The following GRM7 variants were observed in gnomAD, a reference collection of about 807,000 sequenced individuals.
GRM7 encodes metabotropic glutamate receptor 7.
In GRM7, 35 loss-of-function variants were observed where a neutral mutation model predicts 84.5. That is an observed-to-expected ratio of 0.41 (90% confidence interval 0.32 to 0.55). GRM7 has a LOEUF of 0.55. GRM7 is among the 20% of genes least tolerant of loss of function. The probability of loss-of-function intolerance (pLI) is 0.19; values close to 1 mark genes in which losing one functional copy is unlikely to be tolerated. For synonymous variants in GRM7, 487 were observed against 455.1 expected, an observed-to-expected ratio of 1.07 and a Z score of -0.89; for missense variants, 1,003 against 1,194.6, an observed-to-expected ratio of 0.84 and a Z score of 2.36.
intron 8 of GRM7, among the ~76,000 whole-genome samples, chr3:7,620,783 G>T (rs1263872244): frequency 1.3e-5 from 2 of 152,084 alleles, no homozygotes; most frequent in African/African-American, 4.8e-5. Flanking sequence ...CTCTTGTTTG[G>T]GAGCACCAAG....
chr3:6,958,246 T>A (rs949089531), intron 1 of GRM7, among the ~76,000 whole-genome samples: 175 of 152,268 alleles, frequency 1.1e-3, no homozygotes, highest in Non-Finnish European at 2.0e-3. Flanking sequence ...AGGCTTTTTT[T>A]TTTTTGGAAG....
Position 7,188,646 on chromosome 3 carries a change from A to G in GRM7, c.736+41978A>G, listed in dbSNP as rs1233493674. On this transcript the variant is annotated intron_variant, in intron 2 of 9. Transcript: ENST00000357716. This position sits in a 1 kb window ranked among gnomAD's most constrained non-coding sequence, Gnocchi z 4.2. ...TTGAGTGTATAAGGGTTGGGGAGAC[A>G]GTGGTGACACATAGATCTCTCAGTT... Among the ~76,000 whole-genome samples, 1 of 152,206 alleles carries G rather than the reference A, an allele frequency of 6.6e-6. No individual in the cohort carries two copies. The highest frequency in any genetic ancestry group is 1.5e-5 in the Non-Finnish European group (1 of 68,022).
chr3:6,900,942 C>A (rs774631807), intron 1 of GRM7, among the ~76,000 whole-genome samples: 14 of 152,178 alleles, frequency 9.2e-5, no homozygotes, highest in Non-Finnish European at 1.5e-4. Flanking sequence ...TGGCACAGAT[C>A]ATTTTGTTTG....
chr3:7,411,154 C>T (rs73810625), intron 4 of GRM7, among the ~76,000 whole-genome samples: 2,452 of 152,174 alleles, frequency 0.016, 46 homozygotes, highest in African/African-American at 0.042. Flanking sequence ...ACAGCCCTCA[C>T]GAATAATCCA....
At chr3:7,240,132 T>TTTTTTTG (rs1697500381) in intron 2 of GRM7, among the ~76,000 whole-genome samples, 1 of 143,684 alleles carries the variant, frequency 7.0e-6, no homozygotes, top group Non-Finnish European at 1.5e-5. Flanking sequence ...TTTTTTTTTT[T>TTTTTTTG]TTTTTTTTTT....
chr3:6,920,609 C>A (rs929656611), intron 1 of GRM7, among the ~76,000 whole-genome samples: 2 of 151,756 alleles, frequency 1.3e-5, no homozygotes, highest in Non-Finnish European at 2.9e-5. Context: ...TTGGATAATA[C>A]CTCTGCAGAT....
In GRM7 at chr3:7,188,909, G is replaced by T. The variant is rs1258624288; in HGVS notation, c.736+42241G>T. ...GGTTTTAAAGAAATGCACAAATATT[G>T]TATTAAGTTTCTATTGTCAATAGCT... On this transcript the variant is annotated intron_variant, in intron 2 of 9. Transcript: ENST00000357716. This position sits in a 1 kb window ranked among gnomAD's most constrained non-coding sequence, Gnocchi z 4.2. Among the ~76,000 whole-genome samples, 1 of 152,180 alleles carries T rather than the reference G, an allele frequency of 6.6e-6. No individual in the cohort carries two copies. The highest frequency in any genetic ancestry group is 6.6e-5 in the Admixed American group (1 of 15,262).
intron 7 of GRM7, among the ~76,000 whole-genome samples, chr3:7,488,954 G>A (rs1292574402): frequency 1.3e-5 from 2 of 152,068 alleles, no homozygotes; most frequent in Non-Finnish European, 1.5e-5. Flanking sequence ...TGGTGACAGG[G>A]TGATAGATGT....
intron 5 of GRM7, among the ~76,000 whole-genome samples, chr3:7,430,333 A>C (rs1345227933): frequency 6.6e-6 from 1 of 152,238 alleles, no homozygotes; most frequent in Non-Finnish European, 1.5e-5. Context: ...TTTGGCAAGG[A>C]GAGCTGTTAG....
chr3:7,525,887 T>C lies in GRM7; in HGVS notation c.1516-52535T>C, dbSNP rs1413262922. 3.3e-5 allele frequency among the ~76,000 whole-genome samples: 5 copies of C among 152,296 alleles called. No individual in the cohort carries two copies. In the East Asian group the frequency reaches 9.6e-4, roughly 29 times the overall value. ...CCATGTTCCTGCAAGGGAAATGATT[T>C]TGTTCTTTTTTATGGCTGCATAGTA... On this transcript the variant is annotated intron_variant, in intron 7 of 9. Coordinates refer to ENST00000357716, the MANE Select transcript of GRM7 (RefSeq NM_000844.4).
chr3:6,892,161 C>T (rs1434299736), intron 1 of GRM7, among the ~76,000 whole-genome samples: 4 of 152,104 alleles, frequency 2.6e-5, no homozygotes, highest in African/African-American at 9.7e-5. Flanking sequence ...TATCAGTCTT[C>T]CTTGAAACTG....
chr3:7,517,300 CAG>C (rs1478554471), intron 7 of GRM7, among the ~76,000 whole-genome samples: 3 of 152,062 alleles, frequency 2.0e-5, no homozygotes, highest in South Asian at 2.1e-4. Flanking sequence ...ATTTGTCAAA[CAG>C]AAAATGTTTG....
intron 2 of GRM7, among the ~76,000 whole-genome samples, chr3:7,192,990 C>T (rs1189345667): frequency 2.0e-5 from 3 of 152,122 alleles, no homozygotes; most frequent in African/African-American, 7.2e-5. Context: ...CCTTCAATGC[C>T]TGCATTCTCC....
intron 1 of GRM7, among the ~76,000 whole-genome samples, chr3:7,058,284 AT>A (rs1343965579): frequency 6.6e-6 from 1 of 151,950 alleles, no homozygotes; most frequent in Non-Finnish European, 1.5e-5. Context: ...TCAAACAAAT[AT>A]TTTTAATTCA....
intron 4 of GRM7, chr3:7,403,033 T>C: frequency 4.1e-6 from 1 of 243,332 alleles, no homozygotes; most frequent in Non-Finnish European, 8.5e-6. Context: ...TGCTGAGACA[T>C]TTTTAGACCA....
intron 1 of GRM7, among the ~76,000 whole-genome samples, chr3:7,094,632 C>T (rs1034236125): frequency 1.3e-5 from 2 of 152,140 alleles, no homozygotes; most frequent in African/African-American, 2.4e-5. Flanking sequence ...TATTATATAG[C>T]TTTCATAGGC....
chr3:7,116,665 C>T (rs1174598071), intron 1 of GRM7, among the ~76,000 whole-genome samples: 1 of 152,176 alleles, frequency 6.6e-6, no homozygotes, highest in African/African-American at 2.4e-5. Flanking sequence ...AAAAATAATT[C>T]TCCCATAGTT....
At chr3:7,366,147 T>C (rs1693882928) in intron 4 of GRM7, among the ~76,000 whole-genome samples, 1 of 151,914 alleles carries the variant, frequency 6.6e-6, no homozygotes, top group South Asian at 2.1e-4. Flanking sequence ...TTCCTGTAGA[T>C]CTAAAATCAT....
At chr3:6,954,634 G>T (rs770418348) in intron 1 of GRM7, among the ~76,000 whole-genome samples, 1 of 152,144 alleles carries the variant, frequency 6.6e-6, no homozygotes, top group Non-Finnish European at 1.5e-5. Flanking sequence ...TACTAGCCCT[G>T]TGAGCTCCAA....
Sources: gnomAD v4.1 joint callset for allele counts (sites outside exome capture counted in the v4.1 genomes callset) on GRCh38, gnomAD v4.1.1 for gene constraint, Gnocchi (gnomAD v3.1) non-coding constraint, MANE v1.5 for transcripts, NCBI Gene and HGNC (gene_info 2026-07-23, HGNC 2026-07-21) for gene names.